Variants in ZNF804B observed in about 807,000 individuals in gnomAD.
ZNF804B encodes zinc finger 804B.
In ZNF804B, 80 loss-of-function variants were observed where a neutral mutation model predicts 101.4. The ratio of observed to expected loss-of-function variants is 0.79; its 90% confidence interval spans 0.66 to 0.95. ZNF804B has a LOEUF of 0.95. ZNF804B is among the 40% of genes least tolerant of loss of function. The pLI is 0.00. For synonymous variants in ZNF804B, 622 were observed against 558.8 expected (o/e 1.11, Z -1.59); for missense variants, 1,673 against 1,561.9 (o/e 1.07, Z -1.20).
At chr7:89,114,836 C>A (rs1006980842) in intron 1 of ZNF804B, among the ~76,000 whole-genome samples, 1 of 152,154 alleles carries the variant, frequency 6.6e-6, no homozygotes, top group African/African-American at 2.4e-5. Flanking sequence ...GTGTTGGGAA[C>A]TTCGAGAGGG....
chr7:88,942,594 A>G (rs1793072003), intron 1 of ZNF804B, among the ~76,000 whole-genome samples: 1 of 151,476 alleles, frequency 6.6e-6, no homozygotes. Context: ...AGCTTGAAAA[A>G]AAAAAGCCTG....
intron 2 of ZNF804B, among the ~76,000 whole-genome samples, chr7:89,271,122 A>G (rs1476741625): frequency 6.6e-6 from 1 of 152,184 alleles, no homozygotes. Flanking sequence ...GTGTGGTGAG[A>G]GAGAGCATCC....
At chr7:89,240,545 G>T (rs1327746044) in intron 2 of ZNF804B, among the ~76,000 whole-genome samples, 1 of 151,780 alleles carries the variant, frequency 6.6e-6, no homozygotes, top group East Asian at 1.9e-4. Flanking sequence ...TACTATTTAT[G>T]ATTTAGAAAT....
At position 88,973,735 on chromosome 7, in the gene ZNF804B, GTTAAAC is replaced by G. The variant is rs199557595; in HGVS notation, c.108+213656_108+213661del. Among the ~76,000 whole-genome samples, 766 of 151,400 alleles carry G rather than the reference GTTAAAC, an allele frequency of 5.1e-3. 4 individuals are homozygous for G. Among genetic ancestry groups the G allele is most frequent in the African/African-American group, 0.017 (708 of 41,426 alleles). ...TTATGAGACCATGATAAAGCTCAGTGTTAAACTTAATAGTCAGTGGTTTCTTTTTGT... is the reference window on the plus strand; with the variant it reads ...TTATGAGACCATGATAAAGCTCAGTGTTAATAGTCAGTGGTTTCTTTTTGT... On this transcript the variant is annotated intron_variant, in intron 1 of 3. Transcript: ENST00000333190.
intron 1 of ZNF804B, among the ~76,000 whole-genome samples, chr7:88,934,371 A>G (rs1792934912): frequency 6.6e-6 from 1 of 152,058 alleles, no homozygotes; most frequent in Non-Finnish European, 1.5e-5. Context: ...TCCAAAAGCA[A>G]ATGCAACAAA....
chr7:89,276,721 A>G (rs1185919294), intron 2 of ZNF804B, among the ~76,000 whole-genome samples: 1 of 151,936 alleles, frequency 6.6e-6, no homozygotes, highest in African/African-American at 2.4e-5. Flanking sequence ...TTTAATGGAT[A>G]TTTGACTACA....
intron 1 of ZNF804B, among the ~76,000 whole-genome samples, chr7:89,108,223 CTT>C (rs68099837): frequency 7.1e-6 from 1 of 140,340 alleles, no homozygotes; most frequent in Admixed American, 7.0e-5. Context: ...TAATTAGCTG[CTT>C]TTTTTTTTTT....
At chr7:88,888,145 C>T (rs1388312512) in intron 1 of ZNF804B, among the ~76,000 whole-genome samples, 1 of 152,094 alleles carries the variant, frequency 6.6e-6, no homozygotes, top group African/African-American at 2.4e-5. Flanking sequence ...GTAATCCCAG[C>T]GCTTTGGGTG....
intron 2 of ZNF804B, among the ~76,000 whole-genome samples, chr7:89,276,336 C>G (rs536401095): frequency 4.7e-4 from 72 of 151,842 alleles, no homozygotes; most frequent in Non-Finnish European, 9.1e-4. Flanking sequence ...ATAAAAATTA[C>G]TCCATGTGCA....
At chr7:88,901,104 G>A (rs1367555172) in intron 1 of ZNF804B, among the ~76,000 whole-genome samples, 1 of 151,668 alleles carries the variant, frequency 6.6e-6, no homozygotes, top group East Asian at 1.9e-4. Context: ...TAATCACAGT[G>A]AAAATTGACT....
intron 1 of ZNF804B, among the ~76,000 whole-genome samples, chr7:88,993,056 T>C (rs1489028420): frequency 1.3e-5 from 2 of 151,866 alleles, no homozygotes; most frequent in African/African-American, 4.8e-5. Context: ...CATAAGAAAA[T>C]GGCCAAACTA....
Position 89,097,517 on chromosome 7 carries a change from G to C in ZNF804B, c.109-120638G>C, listed in dbSNP as rs185687065. ...AAATATTAAATAATTTAAGAGCGAA[G>C]AACCAAGCTGGAGACTATTTCTTAA... On this transcript the variant is annotated intron_variant, in intron 1 of 3. Transcript: ENST00000333190. 2.6e-5 allele frequency among the ~76,000 whole-genome samples: 4 copies of C among 152,236 alleles called. No individual in the cohort carries two copies. The East Asian group carries it at 7.7e-4, about 29-fold the overall frequency.
chr7:89,306,409 C>T (rs949966631), intron 2 of ZNF804B, among the ~76,000 whole-genome samples: 37 of 151,996 alleles, frequency 2.4e-4, no homozygotes, highest in Non-Finnish European at 4.1e-4. Context: ...AACTCAACAC[C>T]TGCAATCATT....
At chr7:88,964,916 A>G (rs574669936) in intron 1 of ZNF804B, among the ~76,000 whole-genome samples, 1 of 151,490 alleles carries the variant, frequency 6.6e-6, no homozygotes, top group East Asian at 2.0e-4. Context: ...ATCTACCCCT[A>G]TGATTTCCCT....
chr7:88,896,270 T>C (rs2115941205), intron 1 of ZNF804B, among the ~76,000 whole-genome samples: 1 of 152,338 alleles, frequency 6.6e-6, no homozygotes, highest in Admixed American at 6.5e-5. Flanking sequence ...CTGTTTCAAA[T>C]ATATCATACT....
At chr7:88,950,242 C>G (rs982762620) in intron 1 of ZNF804B, among the ~76,000 whole-genome samples, 2 of 151,832 alleles carry the variant, frequency 1.3e-5, no homozygotes, top group Admixed American at 6.6e-5. Flanking sequence ...ATCTATTTAT[C>G]TATCTAAATT....
intron 1 of ZNF804B, among the ~76,000 whole-genome samples, chr7:89,022,611 C>G (rs1282869482): frequency 6.6e-6 from 1 of 152,170 alleles, no homozygotes; most frequent in African/African-American, 2.4e-5. Context: ...TTTTCTGTAA[C>G]TCCCTAGAAA....
intron 1 of ZNF804B, among the ~76,000 whole-genome samples, chr7:89,054,232 ATATGTGCCT>A (rs1789256807): frequency 6.7e-6 from 1 of 150,306 alleles, no homozygotes; most frequent in Admixed American, 6.7e-5. Context: ...TTGCTGTCTT[ATATGTGCCT>A]ATTATACAAG....
chr7:89,188,743 C>T (rs951118483), intron 1 of ZNF804B, among the ~76,000 whole-genome samples: 4 of 152,074 alleles, frequency 2.6e-5, no homozygotes, highest in South Asian at 2.1e-4. Context: ...CACAACATTC[C>T]CTTAAGCAAA....
Sources: gnomAD v4.1 joint callset for allele counts (sites outside exome capture counted in the v4.1 genomes callset) on GRCh38, gnomAD v4.1.1 for gene constraint, MANE v1.5 for transcripts, NCBI Gene and HGNC (gene_info 2026-07-23, HGNC 2026-07-21) for gene names.